The following PAN3 variants were observed in gnomAD, a reference collection of about 807,000 sequenced individuals.
The protein encoded by PAN3 is poly(A) specific ribonuclease subunit PAN3.
In PAN3, 19 loss-of-function variants were observed where a neutral mutation model predicts 96.2. That is an observed-to-expected ratio of 0.20 (90% confidence interval 0.14 to 0.29). The LOEUF (loss-of-function observed/expected upper bound fraction) is 0.29, where lower values mean the gene tolerates loss of function less well. PAN3 is among the 10% of genes least tolerant of loss of function. The probability of loss-of-function intolerance (pLI) is 1.00; values close to 1 mark genes in which losing one functional copy is unlikely to be tolerated. For synonymous variants in PAN3, 433 were observed against 406.6 expected (o/e 1.06, Z -0.78); for missense variants, 882 against 1,108.1 (o/e 0.80, Z 2.90).
chr13:28,272,532 T>G (rs1197412318), intron 14 of PAN3, among the ~76,000 whole-genome samples: 1 of 151,468 alleles, frequency 6.6e-6, no homozygotes, highest in Non-Finnish European at 1.5e-5. Context: ...AGAGCCCTTG[T>G]GGGTTGGAAT....
intron 5 of PAN3, among the ~76,000 whole-genome samples, chr13:28,220,005 G>T (rs1222377593): frequency 6.6e-6 from 1 of 152,066 alleles, no homozygotes; most frequent in Non-Finnish European, 1.5e-5. Context: ...CATTACTGAG[G>T]TTAAAATTCT....
intron 5 of PAN3, among the ~76,000 whole-genome samples, chr13:28,204,526 G>A (rs917983544): frequency 1.3e-5 from 2 of 152,168 alleles, no homozygotes; most frequent in Non-Finnish European, 2.9e-5. Flanking sequence ...AGTACAGCCT[G>A]CAGTTATATT....
intron 1 of PAN3, among the ~76,000 whole-genome samples, chr13:28,170,095 A>G (rs1874111430): frequency 6.6e-6 from 1 of 152,298 alleles, no homozygotes; most frequent in South Asian, 2.1e-4. Flanking sequence ...ACCATTGATT[A>G]CTGGCTATAT....
intron 1 of PAN3, among the ~76,000 whole-genome samples, chr13:28,160,432 A>G (rs565886808): frequency 4.6e-5 from 7 of 152,338 alleles, no homozygotes; most frequent in African/African-American, 1.2e-4. Context: ...CTTGGGATGC[A>G]TAAGGGAGAG....
At position 28,231,617 on chromosome 13, in the gene PAN3, G is replaced by A. The variant is rs143516117; in HGVS notation, c.1000+11239G>A. On this transcript the variant is annotated intron_variant, in intron 6 of 18. Transcript: ENST00000380958. ...TTGATGAAATTCTGTAGTTATTAAG[G>A]GGAAAATCAGAGATGGAAATTAAGT... is the stretch of plus-strand genomic sequence containing the variant. Among the ~76,000 whole-genome samples the A allele has an allele frequency of 3.7e-3, 560 of 152,216 alleles. 2 individuals carry two copies. Among genetic ancestry groups the A allele is most frequent in the African/African-American group, 0.013 (534 of 41,520 alleles).
chr13:28,260,262 G>T (rs181427050), intron 7 of PAN3, among the ~76,000 whole-genome samples, 185 bp from the exon 8 acceptor site: 28 of 152,112 alleles, frequency 1.8e-4, no homozygotes, highest in Admixed American at 8.5e-4. Flanking sequence ...TGGGCATGAT[G>T]GTGGGTACCT....
intron 5 of PAN3, among the ~76,000 whole-genome samples, chr13:28,197,783 C>A (rs1221418184): frequency 1.3e-5 from 2 of 151,954 alleles, no homozygotes; most frequent in African/African-American, 2.4e-5. Flanking sequence ...GTTGGCCAGG[C>A]TGGTCTCGAA....
intron 1 of PAN3, among the ~76,000 whole-genome samples, chr13:28,146,930 C>T (rs527927646): frequency 6.3e-4 from 96 of 151,876 alleles, no homozygotes; most frequent in African/African-American, 2.3e-3. Flanking sequence ...TTGCAGCGAC[C>T]TGAGATCGTG....
chr13:28,256,154 A>C (rs1885118890), intron 6 of PAN3, 138 bp from the exon 7 acceptor site: 2 of 944,822 alleles, frequency 2.1e-6, no homozygotes, highest in African/African-American at 1.7e-5. Context: ...AAACAAGATA[A>C]AATTATTTCC....
intron 6 of PAN3, among the ~76,000 whole-genome samples, chr13:28,227,756 TAGAC>T (rs1882154552): frequency 6.6e-6 from 1 of 152,224 alleles, no homozygotes; most frequent in Non-Finnish European, 1.5e-5. Flanking sequence ...ACATTTGTAC[TAGAC>T]TTAAGAAAGA....
chr13:28,245,584 A>G (rs552031694), intron 6 of PAN3, among the ~76,000 whole-genome samples: 7 of 152,280 alleles, frequency 4.6e-5, no homozygotes, highest in African/African-American at 1.7e-4. Context: ...AGGTTTTAAT[A>G]TATCAAAAGA....
At chr13:28,251,875 G>GTTTGTTT (rs5802468) in intron 6 of PAN3, among the ~76,000 whole-genome samples, 38 of 150,232 alleles carry the variant, frequency 2.5e-4, no homozygotes, top group African/African-American at 6.4e-4. Flanking sequence ...TCTTGGGGTT[G>GTTTGTTT]GTTTGTTTGT....
At chr13:28,258,693 C>T (rs373202289) in intron 7 of PAN3, among the ~76,000 whole-genome samples, 17 of 152,226 alleles carry the variant, frequency 1.1e-4, no homozygotes, top group African/African-American at 3.9e-4. Flanking sequence ...CTTCCAGTTG[C>T]TTTCAAAAAG....
At chr13:28,219,675 T>C (rs1176894693) in intron 5 of PAN3, among the ~76,000 whole-genome samples, 1 of 152,264 alleles carries the variant, frequency 6.6e-6, no homozygotes, top group Non-Finnish European at 1.5e-5. Context: ...TGGTACTGCA[T>C]GGGCATTAGG....
Position 28,138,594 on chromosome 13 carries a change from C to T in PAN3, c.-64C>T, listed in dbSNP as rs575747785. 119 of 408,806 alleles carry T rather than the reference C, an allele frequency of 2.9e-4. 2 individuals carry two copies. The South Asian group carries it at 5.0e-3, about 17-fold the overall frequency. The allele number at this position is 408,806 out of a possible 1,614,324, so 25.3% of individuals were successfully genotyped here. A position where few individuals can be genotyped will look rare whatever the true frequency, so the allele number is the denominator to read the frequency against. On this transcript the variant is annotated 5_prime_UTR_variant, in exon 1 of 19. Coordinates refer to ENST00000380958, the MANE Select transcript of PAN3 (RefSeq NM_175854.8). The stretch of plus-strand genomic sequence containing the variant: ...CCGGCAGCGTCTTCCTTTCCTCCCC[C>T]GTCTATGGTGGTGGCGGCGGCGGCT...
At position 28,153,559 on chromosome 13, in the gene PAN3, G is replaced by C. The variant is rs74336351; in HGVS notation, c.430+14472G>C. 9.9e-3 allele frequency among the ~76,000 whole-genome samples: 1,513 copies of C among 152,106 alleles called. 21 individuals are homozygous for C. Among genetic ancestry groups the C allele is most frequent in the Non-Finnish European group, 0.015 (1,019 of 67,982 alleles). Reference sequence around the variant, plus strand: ...GTCGTAATACACTTTTAAAAGATATGTAAGAAGAAAAGATCTAGAGACAGC... The same window carrying C: ...GTCGTAATACACTTTTAAAAGATATCTAAGAAGAAAAGATCTAGAGACAGC... On this transcript the variant is annotated intron_variant, in intron 1 of 18. Transcript: ENST00000380958.
At chr13:28,270,084 T>C (rs564144051) in intron 12 of PAN3, among the ~76,000 whole-genome samples, 1 of 152,316 alleles carries the variant, frequency 6.6e-6, no homozygotes, top group South Asian at 2.1e-4. Flanking sequence ...TATAAGGTCA[T>C]ATTCCTTGGA....
chr13:28,261,915 TC>T (rs780436620), intron 9 of PAN3, among the ~76,000 whole-genome samples: 2 of 152,038 alleles, frequency 1.3e-5, no homozygotes, highest in African/African-American at 2.4e-5. Flanking sequence ...ATGACAGTAT[TC>T]TAGTTCACAA....
chr13:28,147,334 G>GT (rs200297714), intron 1 of PAN3, among the ~76,000 whole-genome samples: 1,561 of 152,286 alleles, frequency 0.01, 24 homozygotes, highest in African/African-American at 0.035. Flanking sequence ...TCGACTTCCA[G>GT]TTTTTGACTT....
Sources: gnomAD v4.1 joint callset for allele counts (sites outside exome capture counted in the v4.1 genomes callset) on GRCh38, gnomAD v4.1.1 for gene constraint, MANE v1.5 for transcripts, NCBI Gene and HGNC (gene_info 2026-07-23, HGNC 2026-07-21) for gene names.